The following KCNIP4 variants were observed in gnomAD, a reference collection of about 807,000 sequenced individuals.
The protein encoded by KCNIP4 is potassium voltage-gated channel interacting protein 4.
A neutral mutation model predicts 34.0 loss-of-function variants in KCNIP4; 12 were observed. That is an observed-to-expected ratio of 0.35 (90% CI 0.23 to 0.57). KCNIP4 has a LOEUF of 0.57. Among genes scored for constraint, KCNIP4 ranks in the 20% least tolerant of loss-of-function variants. KCNIP4 has a pLI of 0.83. For missense variants in KCNIP4, 238 were observed against 311.7 expected (o/e 0.76, Z 1.78); for synonymous variants, 124 against 102.2 (o/e 1.21, Z -1.29).
At chr4:20,809,556 ATAAGT>A (rs1167847894) in intron 3 of KCNIP4, among the ~76,000 whole-genome samples, 6 of 152,184 alleles carry the variant, frequency 3.9e-5, no homozygotes, top group African/African-American at 1.2e-4. Flanking sequence ...CACTCTTGAA[ATAAGT>A]TAAGAAATTC....
intron 1 of KCNIP4, among the ~76,000 whole-genome samples, chr4:21,055,694 G>T (rs982362955): frequency 2.0e-5 from 3 of 152,126 alleles, no homozygotes; most frequent in Non-Finnish European, 4.4e-5. Flanking sequence ...GTCTGAAAGG[G>T]TTGCATACTG....
At chr4:20,919,446 G>C (rs564595451) in intron 1 of KCNIP4, among the ~76,000 whole-genome samples, 1 of 151,486 alleles carries the variant, frequency 6.6e-6, no homozygotes, top group South Asian at 2.1e-4. Flanking sequence ...GCTCATGCCT[G>C]TAATCCCAGC....
intron 1 of KCNIP4, among the ~76,000 whole-genome samples, chr4:21,083,703 C>A (rs116085964): frequency 0.02 from 2,979 of 151,978 alleles, 60 homozygotes; most frequent in Non-Finnish European, 0.026. Context: ...CCTATTGGCA[C>A]CTTTAATTCT....
intron 1 of KCNIP4, among the ~76,000 whole-genome samples, chr4:21,340,086 AG>A (rs369066272): frequency 1.1e-3 from 166 of 152,294 alleles, no homozygotes; most frequent in African/African-American, 3.8e-3. Context: ...AGTGTCAGAA[AG>A]AGCCTACTTA....
chr4:21,588,362 A>G (rs1741817098), intron 1 of KCNIP4, among the ~76,000 whole-genome samples: 1 of 151,972 alleles, frequency 6.6e-6, no homozygotes, highest in Admixed American at 6.6e-5. Context: ...TTAAATCCCA[A>G]TAACTTATCC....
At chr4:20,925,925 A>C (rs1379496830) in intron 1 of KCNIP4, among the ~76,000 whole-genome samples, 1 of 152,218 alleles carries the variant, frequency 6.6e-6, no homozygotes, top group East Asian at 1.9e-4. Flanking sequence ...AATTGTTACA[A>C]CACCTTGAAA....
At position 21,514,796 on chromosome 4, in the gene KCNIP4, A is replaced by G. The variant is rs561560823; in HGVS notation, c.61+433775T>C. ...TGCCCTCACCTCTCACAAAGAGAGT[A>G]GTGGAAAATATAGGCTCTCCACTCC... On this transcript the variant is annotated intron_variant, in intron 1 of 8. Transcript: ENST00000382152. Among the ~76,000 whole-genome samples the G allele has an allele frequency of 7.9e-4, 120 of 152,318 alleles. 1 individual carries two copies. Among genetic ancestry groups the G allele is most frequent in the Non-Finnish European group, 1.2e-3 (81 of 68,030 alleles).
chr4:21,479,542 G>T (rs747612581), intron 1 of KCNIP4, among the ~76,000 whole-genome samples: 2 of 152,044 alleles, frequency 1.3e-5, no homozygotes, highest in African/African-American at 2.4e-5. Flanking sequence ...ATAGTGCTTA[G>T]GCCAGTTTAC....
chr4:21,662,321 T>C (rs898931965), intron 1 of KCNIP4, among the ~76,000 whole-genome samples: 2 of 152,352 alleles, frequency 1.3e-5, no homozygotes, highest in South Asian at 2.1e-4. Context: ...TTTATTTTTG[T>C]CCATAAAAAA....
At chr4:20,882,456 TGTTC>T in intron 2 of KCNIP4, 148 bp downstream of exon 2, 1 of 628,178 alleles carries the variant, frequency 1.6e-6, no homozygotes, top group Non-Finnish European at 2.8e-6. Flanking sequence ...ATTGCCCAAA[TGTTC>T]TCCTGGGTAT....
intron 1 of KCNIP4, among the ~76,000 whole-genome samples, chr4:21,648,127 C>T (rs748185421): frequency 9.9e-5 from 15 of 152,058 alleles, no homozygotes; most frequent in Middle Eastern, 6.8e-3. Flanking sequence ...CCTGCCTCGG[C>T]CTCCCAAAGT....
intron 1 of KCNIP4, among the ~76,000 whole-genome samples, chr4:20,890,815 G>C (rs1056392476): frequency 2.0e-5 from 3 of 152,150 alleles, no homozygotes; most frequent in African/African-American, 7.2e-5. Flanking sequence ...AATTGGAAAG[G>C]TTTTATCTTA....
rs1037150011 is a variant in KCNIP4 at position 21,385,205 on chromosome 4, G to A, written c.62-502496C>T. On this transcript the variant is annotated intron_variant, in intron 1 of 8. Coordinates refer to ENST00000382152, the MANE Select transcript of KCNIP4 (RefSeq NM_025221.6). ...TGTTGCTTAAAATTGGAGTGAGAGA[G>A]GTGACCAATATTGTTCTGGTTAAAG... Among the ~76,000 whole-genome samples the A allele has an allele frequency of 3.3e-5, 5 of 152,108 alleles. No individual in the cohort carries two copies. In the East Asian group the frequency reaches 9.7e-4, roughly 29 times the overall value.
chr4:21,776,741 T>C (rs1303302403), intron 1 of KCNIP4, among the ~76,000 whole-genome samples: 1 of 152,210 alleles, frequency 6.6e-6, no homozygotes, highest in Middle Eastern at 3.4e-3. Context: ...GTTTTTGTGA[T>C]AGTGAATGAG....
rs552794458 is a variant in KCNIP4, at chr4:20,974,336, T to G, written c.62-91627A>C. ...AGGGACAGTGCATCAGGATTCATTATTAAGTGTGTTTGCTGTACCACGTAC... is the reference window on the plus strand; with the variant it reads ...AGGGACAGTGCATCAGGATTCATTAGTAAGTGTGTTTGCTGTACCACGTAC... On this transcript the variant is annotated intron_variant, in intron 1 of 8. Transcript: ENST00000382152. Among the ~76,000 whole-genome samples the G allele has an allele frequency of 7.9e-5, 12 of 152,294 alleles. No homozygotes were observed. In the East Asian group the frequency reaches 2.1e-3, roughly 27 times the overall value.
intron 1 of KCNIP4, among the ~76,000 whole-genome samples, chr4:21,484,606 G>A (rs564947436): frequency 3.9e-4 from 60 of 152,142 alleles, no homozygotes; most frequent in African/African-American, 1.3e-3. Context: ...TTGTTTGGTC[G>A]GGGGTCATTC....
intron 1 of KCNIP4, among the ~76,000 whole-genome samples, chr4:21,512,116 G>A (rs1734374773): frequency 7.3e-6 from 1 of 136,492 alleles, no homozygotes; most frequent in African/African-American, 2.9e-5. Flanking sequence ...AAAGAGTGAG[G>A]AAAAAAGGAA....
chr4:21,862,822 G>A (rs946004851), intron 1 of KCNIP4, among the ~76,000 whole-genome samples: 3 of 152,028 alleles, frequency 2.0e-5, no homozygotes, highest in Non-Finnish European at 2.9e-5. Flanking sequence ...TTAGCCGGGC[G>A]TGGTGGCAGG....
intron 1 of KCNIP4, among the ~76,000 whole-genome samples, chr4:21,116,901 T>A (rs913787517): frequency 2.0e-5 from 3 of 152,196 alleles, no homozygotes; most frequent in African/African-American, 7.2e-5. Flanking sequence ...AGTCAAATAT[T>A]TCATGTTTTA....
Sources: allele counts gnomAD v4.1 joint callset (sites outside exome capture counted in the v4.1 genomes callset), GRCh38; gene constraint gnomAD v4.1.1; transcripts MANE v1.5; gene names NCBI Gene and HGNC (gene_info 2026-07-23, HGNC 2026-07-21).